The following POU2F1 variants were observed in gnomAD, a reference collection of about 807,000 sequenced individuals.
POU2F1 encodes POU class 2 homeobox 1, also known as POU domain, class 2, transcription factor 1.
A neutral mutation model predicts 84.9 loss-of-function variants in POU2F1; 16 were observed. The observed-to-expected ratio is 0.19, with a 90% CI of 0.13 to 0.29. The LOEUF (loss-of-function observed/expected upper bound fraction) is 0.29. Ranked by LOEUF, POU2F1 falls within the 10% of genes least tolerant of loss-of-function variation. The probability of loss-of-function intolerance (pLI) is 1.00; values close to 1 mark genes in which losing one functional copy is unlikely to be tolerated. For synonymous variants in POU2F1, 368 were observed against 368.3 expected, an observed-to-expected ratio of 1.00 and a Z score of 0.01; for missense variants, 738 against 942.6, an observed-to-expected ratio of 0.78 and a Z score of 2.84.
intron 9 of POU2F1, among the ~76,000 whole-genome samples, chr1:167,395,914 T>C (rs1648775837): frequency 6.6e-6 from 1 of 152,220 alleles, no homozygotes; most frequent in South Asian, 2.1e-4. Flanking sequence ...ACCAGATAAA[T>C]ACATTTTTAA....
intron 1 of POU2F1, among the ~76,000 whole-genome samples, chr1:167,276,208 T>G (rs1464269679): frequency 6.6e-6 from 1 of 152,096 alleles, no homozygotes; most frequent in African/African-American, 2.4e-5. Flanking sequence ...ACGTGAATCT[T>G]TCCTTTGTTC....
At chr1:167,232,873 T>A (rs1002870549) in intron 1 of POU2F1, among the ~76,000 whole-genome samples, 6 of 151,678 alleles carry the variant, frequency 4.0e-5, no homozygotes, top group African/African-American at 1.5e-4. Flanking sequence ...TACAGTAAGC[T>A]AGTTAATTTA....
At position 167,423,226 on chromosome 1, in the gene POU2F1, G is replaced by A. The variant is rs1165633932; in HGVS notation, c.*7416G>A. 2 of 152,118 alleles carry A rather than the reference G, an allele frequency of 1.3e-5. No homozygotes were observed. Among genetic ancestry groups the A allele is most frequent in the African/African-American group, 4.8e-5 (2 of 41,432 alleles). 9.4% of individuals were successfully genotyped at this position (152,118 alleles called of 1,614,324 possible). On this transcript the variant is annotated 3_prime_UTR_variant, in exon 16 of 16. Transcript: ENST00000367866. Reference sequence around the variant, plus strand: ...CTCCTATAAATGTTTTGTTCCAAATGTTTTTATATATGGGCTCTAGGGAGT... The same window carrying A: ...CTCCTATAAATGTTTTGTTCCAAATATTTTTATATATGGGCTCTAGGGAGT...
At chr1:167,358,582 T>A (rs1262224901) in intron 2 of POU2F1, among the ~76,000 whole-genome samples, 1 of 152,074 alleles carries the variant, frequency 6.6e-6, no homozygotes, top group Non-Finnish European at 1.5e-5. Context: ...GCTGTGGGAC[T>A]CTATGGATTT....
intron 2 of POU2F1, among the ~76,000 whole-genome samples, chr1:167,361,216 G>C (rs58773738): frequency 0.088 from 13,458 of 152,176 alleles, 1,900 homozygotes; most frequent in African/African-American, 0.3. Flanking sequence ...TCAGTACTAT[G>C]TTGAATAGCA....
intron 11 of POU2F1, among the ~76,000 whole-genome samples, chr1:167,398,400 C>G (rs180835064): frequency 6.6e-6 from 1 of 152,170 alleles, no homozygotes. Flanking sequence ...ATTAATTCCA[C>G]AGACTAGAAA....
intron 1 of POU2F1, among the ~76,000 whole-genome samples, chr1:167,271,515 T>G (rs1652364630): frequency 6.6e-6 from 1 of 152,170 alleles, no homozygotes. Context: ...ATGAAAAGAT[T>G]TGGAGCTTTA....
At chr1:167,240,844 A>G (rs1294990470) in intron 1 of POU2F1, among the ~76,000 whole-genome samples, 1 of 152,034 alleles carries the variant, frequency 6.6e-6, no homozygotes, top group African/African-American at 2.4e-5. Context: ...TTGTTCTGTA[A>G]TGAAATTATC....
At chr1:167,231,499 TGTG>T (rs1218272698) in intron 1 of POU2F1, among the ~76,000 whole-genome samples, 6 of 152,172 alleles carry the variant, frequency 3.9e-5, no homozygotes, top group Admixed American at 3.9e-4. Flanking sequence ...TATCAATAAT[TGTG>T]GTACTCAGTG....
chr1:167,227,374 C>T (rs1648718861), intron 1 of POU2F1, among the ~76,000 whole-genome samples: 1 of 151,962 alleles, frequency 6.6e-6, no homozygotes, highest in Non-Finnish European at 1.5e-5. Flanking sequence ...TGAACTTTCT[C>T]TTTGCAATAG....
chr1:167,327,298 T>A (rs1656771172), intron 1 of POU2F1, among the ~76,000 whole-genome samples: 2 of 152,154 alleles, frequency 1.3e-5, no homozygotes, highest in African/African-American at 4.8e-5. Flanking sequence ...GAAAGGGATA[T>A]CATCATTTTA....
intron 1 of POU2F1, among the ~76,000 whole-genome samples, chr1:167,326,923 A>G (rs1037317914): frequency 6.6e-6 from 1 of 152,232 alleles, no homozygotes; most frequent in Non-Finnish European, 1.5e-5. Context: ...GAAATATCCC[A>G]TAATAAATGC....
At chr1:167,352,228 C>T (rs901853627) in intron 2 of POU2F1, among the ~76,000 whole-genome samples, 1 of 152,130 alleles carries the variant, frequency 6.6e-6, no homozygotes, top group Non-Finnish European at 1.5e-5. Flanking sequence ...TATTTGAAGA[C>T]GTTTTTTGAC....
At chr1:167,227,372 C>G (rs568193413) in intron 1 of POU2F1, among the ~76,000 whole-genome samples, 2 of 151,910 alleles carry the variant, frequency 1.3e-5, no homozygotes, top group African/African-American at 4.8e-5. Flanking sequence ...GTTGAACTTT[C>G]TCTTTGCAAT....
intron 2 of POU2F1, among the ~76,000 whole-genome samples, chr1:167,334,508 C>T (rs1657303679): frequency 2.0e-5 from 3 of 152,024 alleles, no homozygotes; most frequent in Admixed American, 2.0e-4. Context: ...GATTCGCAGC[C>T]CACATGTAAG....
chr1:167,311,709 AT>A (rs1229197659), intron 1 of POU2F1, among the ~76,000 whole-genome samples: 1 of 152,082 alleles, frequency 6.6e-6, no homozygotes, highest in Admixed American at 6.5e-5. Context: ...GAAAGAAAAT[AT>A]TTTTTGTGCA....
intron 13 of POU2F1, among the ~76,000 whole-genome samples, chr1:167,404,048 T>A (rs1218502773): frequency 1.3e-5 from 2 of 152,204 alleles, no homozygotes; most frequent in Non-Finnish European, 2.9e-5. Context: ...AAGGGTTTTT[T>A]AAAATCTTAT....
At chr1:167,240,786 G>A (rs979337828) in intron 1 of POU2F1, among the ~76,000 whole-genome samples, 5 of 152,116 alleles carry the variant, frequency 3.3e-5, no homozygotes, top group Non-Finnish European at 7.3e-5. Context: ...TTTCTATGTG[G>A]AAATCCATTC....
At chr1:167,411,838 G>C in intron 13 of POU2F1, 121 bp from the exon 14 acceptor site, 2 of 911,122 alleles carry the variant, frequency 2.2e-6, no homozygotes, top group Non-Finnish European at 3.3e-6. Context: ...GGTTATTAAA[G>C]GACAGCTTTA....
Sources: allele counts gnomAD v4.1 joint callset (sites outside exome capture counted in the v4.1 genomes callset), GRCh38; gene constraint gnomAD v4.1.1; transcripts MANE v1.5; gene names NCBI Gene and HGNC (gene_info 2026-07-23, HGNC 2026-07-21).